TPST2: variants seen among roughly 807,000 people sequenced by gnomAD.
TPST2 encodes tyrosylprotein sulfotransferase 2.
TPST2 carries 16 observed loss-of-function variants against 27.8 expected under a neutral mutation model. The ratio of observed to expected loss-of-function variants is 0.58; its 90% CI spans 0.39 to 0.88. TPST2 has a LOEUF of 0.88. TPST2 is among the 40% of genes least tolerant of loss of function. The probability of loss-of-function intolerance (pLI) is 0.00; values close to 1 mark genes in which losing one functional copy is unlikely to be tolerated. For synonymous variants in TPST2, 229 were observed against 231.7 expected (o/e 0.99, Z 0.10); for missense variants, 464 against 543.1 (o/e 0.85, Z 1.45).
chr22:26,577,539 T>C (rs542200057), intron 1 of TPST2, among the ~76,000 whole-genome samples: 21 of 151,570 alleles, frequency 1.4e-4, no homozygotes, highest in East Asian at 5.8e-4. Flanking sequence ...TTAGTAGAGA[T>C]GGGGTTTCAC....
Position 26,540,897 on chromosome 22 carries a change from G to A in TPST2, c.734C>T (p.Pro245Leu). Residue 245 changes from proline to leucine, a missense_variant, in exon 3 of 7, where the codon CCC (proline) becomes CTC (leucine). Physicochemically the swap from Pro to Leu is moderately conservative, Grantham distance 98. Coordinates refer to ENST00000338754, the MANE Select transcript of TPST2 (RefSeq NM_003595.5). ...PVYYEQLVLH[P>L]RRSLKLILDF... ...GAGGATGAGCTTGAGTGAGCGCCTG[G>A]GGTGCAGCACCAGCTGCTCGTAGTA... 6.2e-7 allele frequency: 1 copy of A among 1,614,154 alleles called. No homozygotes were observed.
chr22:26,540,754 A>T (rs770479196), intron 3 of TPST2, 35 bp downstream of exon 3: 20 of 1,526,478 alleles, frequency 1.3e-5, no homozygotes, highest in Non-Finnish European at 1.7e-5. Flanking sequence ...CTCCAGGGCC[A>T]GAGTCTGAGT....
At chr22:26,571,914 G>T (rs888455910) in intron 1 of TPST2, among the ~76,000 whole-genome samples, 7 of 152,060 alleles carry the variant, frequency 4.6e-5, no homozygotes, top group Admixed American at 4.6e-4. Context: ...AGTCCCCACT[G>T]TCCGCCACCT....
intron 1 of TPST2, among the ~76,000 whole-genome samples, chr22:26,589,300 A>G (rs1415913373): frequency 6.6e-6 from 1 of 152,032 alleles, no homozygotes; most frequent in African/African-American, 2.4e-5. Flanking sequence ...TGGGAATGCC[A>G]GACCTCGACC....
intron 5 of TPST2, among the ~76,000 whole-genome samples, chr22:26,529,280 C>T (rs1378803877): frequency 1.3e-5 from 2 of 152,172 alleles, no homozygotes; most frequent in Non-Finnish European, 2.9e-5. Flanking sequence ...ACGTGTGCCA[C>T]CACGAATGGC....
At chr22:26,582,363 G>C (rs1242706818) in intron 1 of TPST2, among the ~76,000 whole-genome samples, 2 of 152,116 alleles carry the variant, frequency 1.3e-5, no homozygotes. Flanking sequence ...GGAGGCAGAG[G>C]TTGCAGTGAG....
chr22:26,570,029 A>AAGAAAGAG (rs1927559923), intron 1 of TPST2, among the ~76,000 whole-genome samples: 5 of 126,736 alleles, frequency 3.9e-5, no homozygotes, highest in African/African-American at 1.7e-4. Flanking sequence ...GAAAGAAAGA[A>AAGAAAGAG]AGAAAGAAAG....
At chr22:26,529,647 C>T (rs1176661689) in intron 5 of TPST2, among the ~76,000 whole-genome samples, 2 of 152,158 alleles carry the variant, frequency 1.3e-5, no homozygotes, top group Admixed American at 6.5e-5. Context: ...GGTGTCATGC[C>T]GGGAAAGGGC....
intron 1 of TPST2, among the ~76,000 whole-genome samples, chr22:26,577,498 C>T (rs1301822854): frequency 6.6e-6 from 1 of 151,754 alleles, no homozygotes; most frequent in African/African-American, 2.4e-5. Context: ...CAAGTGTGTG[C>T]CACCATGCCC....
intron 1 of TPST2, among the ~76,000 whole-genome samples, chr22:26,581,633 C>T (rs1347510145): frequency 6.6e-6 from 1 of 152,188 alleles, no homozygotes; most frequent in East Asian, 1.9e-4. Context: ...ATTCAGTTTT[C>T]TCGCCTGTAA....
intron 1 of TPST2, chr22:26,560,482 C>T (rs990687398): frequency 2.1e-5 from 16 of 764,024 alleles, no homozygotes; most frequent in South Asian, 6.1e-5. Flanking sequence ...GAGAGCCGGA[C>T]GGGCACTGGG....
intron 4 of TPST2, among the ~76,000 whole-genome samples, chr22:26,533,696 C>T (rs995863070): frequency 6.6e-6 from 1 of 150,784 alleles, no homozygotes; most frequent in African/African-American, 2.4e-5. Flanking sequence ...TCTATTGAGA[C>T]ATGGTCTCAC....
chr22:26,560,594 T>C (rs1927035221), intron 1 of TPST2: 3 of 1,071,588 alleles, frequency 2.8e-6, no homozygotes, highest in African/African-American at 3.1e-5. Flanking sequence ...GGCAAACTTG[T>C]CGGGAGGCGC....
At chr22:26,531,324 A>G (rs1403526620) in intron 5 of TPST2, among the ~76,000 whole-genome samples, 3 of 152,218 alleles carry the variant, frequency 2.0e-5, no homozygotes, top group Non-Finnish European at 4.4e-5. Context: ...ACAGAACACT[A>G]CGTAGCCATC....
intron 1 of TPST2, among the ~76,000 whole-genome samples, chr22:26,587,872 C>G (rs1034133587): frequency 2.6e-5 from 4 of 151,920 alleles, no homozygotes; most frequent in Non-Finnish European, 4.4e-5. Flanking sequence ...GTAGGAGGAT[C>G]GCTTGAGACC....
chr22:26,535,950 T>C, intron 4 of TPST2: 1 of 405,588 alleles, frequency 2.5e-6, no homozygotes, highest in Non-Finnish European at 4.8e-6. Flanking sequence ...CAACAAAGAC[T>C]TGAGGTGCCT....
Position 26,551,716 on chromosome 22 carries a change from G to A in TPST2, c.-160-7041C>T, listed in dbSNP as rs1226967533. 2.6e-5 allele frequency among the ~76,000 whole-genome samples: 4 copies of A among 152,100 alleles called. No homozygotes were observed. In the East Asian group the frequency reaches 7.7e-4, roughly 29 times the overall value. ...TGGCTCCCCCACTCAAAGGCTGGGT[G>A]TCCTGGGTCAATCTTGGGCAGCTCT... On this transcript the variant is annotated intron_variant, in intron 1 of 6. Coordinates refer to ENST00000338754, the MANE Select transcript of TPST2 (RefSeq NM_003595.5).
At chr22:26,531,481 T>C (rs1405411226) in intron 5 of TPST2, among the ~76,000 whole-genome samples, 2 of 152,208 alleles carry the variant, frequency 1.3e-5, no homozygotes, top group Non-Finnish European at 2.9e-5. Context: ...AATGCAAAAG[T>C]GCATACGCAC....
chr22:26,560,167 A>T lies in TPST2; in HGVS notation c.-160-15492T>A, dbSNP rs184841246. Among the ~76,000 whole-genome samples the T allele has an allele frequency of 4.1e-4, 62 of 152,244 alleles. No homozygotes were observed. In the East Asian group the frequency reaches 9.1e-3, roughly 22 times the overall value. ...AAGTTAATGGCACGGCCAGGCCTGA[A>T]CACCTGGCTGGGTTCTTCCCATGTA... is the stretch of plus-strand genomic sequence containing the variant. On this transcript the variant is annotated intron_variant, in intron 1 of 6. Coordinates refer to ENST00000338754, the MANE Select transcript of TPST2 (RefSeq NM_003595.5).
Sources: gnomAD v4.1 joint callset for allele counts (sites outside exome capture counted in the v4.1 genomes callset) on GRCh38, gnomAD v4.1.1 for gene constraint, MANE v1.5 for transcripts, NCBI Gene and HGNC (gene_info 2026-07-23, HGNC 2026-07-21) for gene names.